Variants in HELQ observed in about 807,000 individuals in gnomAD.
HELQ encodes the protein helicase, POLQ like, also known as helicase POLQ-like.
Under a neutral mutation model 111.6 loss-of-function variants are expected in HELQ, and 77 were observed. That is an observed-to-expected ratio of 0.69 (90% CI 0.57 to 0.83). The LOEUF is 0.83. Among genes scored for constraint, HELQ ranks in the 40% least tolerant of loss-of-function variants. The pLI, the probability that HELQ is intolerant of heterozygous loss-of-function variation, is 0.00. For missense variants in HELQ, 1,200 were observed against 1,288.5 expected, an observed-to-expected ratio of 0.93 and a Z score of 1.05; for synonymous variants, 438 against 454.7, an observed-to-expected ratio of 0.96 and a Z score of 0.47.
chr4:83,448,156 GCAGAGATTGTGC>G (rs1482980352), intron 3 of HELQ, among the ~76,000 whole-genome samples: 1 of 152,118 alleles, frequency 6.6e-6, no homozygotes. Context: ...GTTGCAGTGA[GCAGAGATTGTGC>G]CACTGCACTC....
intron 7 of HELQ, 46 bp downstream of exon 7, chr4:83,441,259 A>C (rs1316525743): frequency 2.3e-5 from 24 of 1,055,046 alleles, no homozygotes; most frequent in Non-Finnish European, 3.3e-5. Flanking sequence ...GTTGTGCCCC[A>C]GACACAAAGT....
At chr4:83,432,408 A>G in intron 9 of HELQ, 141 bp from the exon 10 acceptor site, 1 of 496,680 alleles carries the variant, frequency 2.0e-6, no homozygotes, top group Non-Finnish European at 3.2e-6. Flanking sequence ...CCAAGAATCT[A>G]TGATTTCTTA....
At chr4:83,431,276 A>T (rs1007340375) in intron 11 of HELQ, among the ~76,000 whole-genome samples, 2 of 152,116 alleles carry the variant, frequency 1.3e-5, no homozygotes, top group Non-Finnish European at 1.5e-5. Context: ...CAATTTCATT[A>T]ATTCAAGTAT....
rs1721075768 is a variant in HELQ, at chr4:83,446,861, T to C, written c.1366A>G (p.Ser456Gly). ...TCGTCTACAACAACCAGACCCAGAC[T>C]GTCAATTCTTCCAGTTTCAATCAAG... is the stretch of plus-strand genomic sequence containing the variant. ...NSLIETGRID[S>G]LGLVVVDELH... Residue 456 changes from serine to glycine, a missense_variant, in exon 4 of 18, where the codon AGT (serine) becomes GGT (glycine). By Grantham distance (56) the Ser-to-Gly change is moderately conservative. Around this residue, in one of 3 missense-constraint regions of HELQ, gnomAD observed 610 missense variants for 607.1 expected, o/e 1.00. Coordinates refer to ENST00000295488, the MANE Select transcript of HELQ (RefSeq NM_133636.5). 1.2e-6 allele frequency: 2 copies of C among 1,613,228 alleles called. No individual in the cohort carries two copies. The highest frequency in any genetic ancestry group is 2.7e-5 in the African/African-American group (2 of 74,920).
chr4:83,445,619 T>C (rs1316880265), intron 5 of HELQ, among the ~76,000 whole-genome samples: 10 of 152,138 alleles, frequency 6.6e-5, no homozygotes, highest in Non-Finnish European at 5.9e-5. Context: ...ATTATGGTGA[T>C]GATGATGATG....
rs1720495835 is a variant in HELQ, at chr4:83,437,028, G to A, written c.1878C>T (p.Gly626=). The A allele has an allele frequency of 6.2e-7, 1 of 1,613,920 alleles. No homozygotes were observed. The highest frequency in any genetic ancestry group is 2.2e-5 in the East Asian group (1 of 44,884). ...VIKNLKNIGN[G]NLCPVLKRTI... ...TGCGCTTTAAAACAGGACACAGGTTGCCATTGCCAATATTCTTCAAGTTCT... is the reference window on the plus strand; with the variant it reads ...TGCGCTTTAAAACAGGACACAGGTTACCATTGCCAATATTCTTCAAGTTCT... The change falls in exon 9 of 18, where the codon GGC becomes GGT. Residue 626 remains glycine, a synonymous_variant. Coordinates refer to ENST00000295488, the MANE Select transcript of HELQ (RefSeq NM_133636.5).
At chr4:83,455,266 T>C (rs1578113074) in intron 1 of HELQ, 131 bp downstream of exon 1, 1 of 1,504,966 alleles carries the variant, frequency 6.6e-7, no homozygotes, top group East Asian at 2.3e-5. Flanking sequence ...AGGCAATCAA[T>C]ACCTCCTAAG....
intron 6 of HELQ, among the ~76,000 whole-genome samples, chr4:83,441,654 C>T (rs1438806663): frequency 2.0e-5 from 3 of 151,832 alleles, no homozygotes; most frequent in African/African-American, 4.8e-5. Flanking sequence ...CAGTAAACAT[C>T]ATATCCAAAA....
chr4:83,435,295 C>G (rs1390946116), intron 9 of HELQ, among the ~76,000 whole-genome samples: 1 of 151,858 alleles, frequency 6.6e-6, no homozygotes, highest in African/African-American at 2.4e-5. Context: ...TATTATACAC[C>G]ATGACAAAAT....
intron 17 of HELQ, among the ~76,000 whole-genome samples, chr4:83,409,703 T>C (rs767144497): frequency 1.3e-5 from 2 of 152,002 alleles, no homozygotes; most frequent in Non-Finnish European, 2.9e-5. Context: ...TCTGGAGATA[T>C]GAGGAGGAGT....
intron 3 of HELQ, 112 bp from the exon 4 acceptor site, chr4:83,447,147 A>T: frequency 1.4e-6 from 1 of 705,776 alleles, no homozygotes; most frequent in Non-Finnish European, 2.4e-6. Context: ...CAGGAAGGTG[A>T]GACCAGCCTG....
chr4:83,427,741 T>C (rs1719921793), intron 12 of HELQ, 21 bp from the exon 13 acceptor site: 3 of 1,451,084 alleles, frequency 2.1e-6, no homozygotes, highest in Non-Finnish European at 2.8e-6. Context: ...GATACAAATA[T>C]TCAATCTTTC....
intron 13 of HELQ, among the ~76,000 whole-genome samples, chr4:83,427,043 G>A (rs142125292): frequency 0.012 from 1,781 of 152,224 alleles, 28 homozygotes; most frequent in African/African-American, 0.041. Flanking sequence ...GGCTCTGACC[G>A]AGCTTTCATG....
intron 17 of HELQ, among the ~76,000 whole-genome samples, chr4:83,411,979 T>A (rs956314439): frequency 6.6e-6 from 1 of 152,090 alleles, no homozygotes; most frequent in Admixed American, 6.6e-5. Context: ...GAACTACATA[T>A]AGGAAGCACA....
chr4:83,429,538 C>A lies in HELQ; in HGVS notation c.2504G>T (p.Arg835Leu), dbSNP rs759691915. The change falls in exon 12 of 18, where the codon CGT becomes CTT. Residue 835 changes from arginine (R) to leucine (L), a missense_variant. By Grantham distance (102) the Arg-to-Leu change is moderately radical. Around this residue, in one of 3 missense-constraint regions of HELQ, gnomAD observed 585 missense variants for 665.3 expected, o/e 0.88. Coordinates refer to ENST00000295488, the MANE Select transcript of HELQ (RefSeq NM_133636.5). ...QYNFHITKLGRASFKGTIDLA... is the reference protein window; with the variant it reads ...QYNFHITKLGLASFKGTIDLA... ...TAAACTCTTACCCTTAAATGAAGCA[C>A]GTCCCAACTTTGTAATATGAAAATT... The A allele has an allele frequency of 6.2e-7, 1 of 1,600,442 alleles. No homozygotes were observed. The highest frequency in any genetic ancestry group is 8.5e-7 in the Non-Finnish European group (1 of 1,170,030).
At position 83,446,862 on chromosome 4, in the gene HELQ, G is replaced by A. The variant is rs1171241225; in HGVS notation, c.1365C>T (p.Asp455=). 3 of 1,613,032 alleles carry A rather than the reference G, an allele frequency of 1.9e-6. No homozygotes were observed. The highest frequency in any genetic ancestry group is 4.5e-5 in the East Asian group (2 of 44,876). ...CGTCTACAACAACCAGACCCAGACT[G>A]TCAATTCTTCCAGTTTCAATCAAGG... ...VNSLIETGRI[D]SLGLVVVDEL... The change falls in exon 4 of 18, where the codon GAC becomes GAT. Residue 455 remains aspartate, a synonymous_variant. Transcript: ENST00000295488.
chr4:83,416,678 G>C, intron 17 of HELQ, 53 bp downstream of exon 17: 1 of 1,566,024 alleles, frequency 6.4e-7, no homozygotes, highest in South Asian at 1.2e-5. Context: ...TATAATACAA[G>C]GAAATAACAC....
At chr4:83,452,991 TATGTC>T (rs1721479635) in intron 2 of HELQ, among the ~76,000 whole-genome samples, 1 of 152,236 alleles carries the variant, frequency 6.6e-6, no homozygotes, top group Non-Finnish European at 1.5e-5. Context: ...TTAGAGGAAT[TATGTC>T]AGGTAAGGAA....
intron 17 of HELQ, among the ~76,000 whole-genome samples, chr4:83,411,749 C>G (rs1739114690): frequency 6.6e-6 from 1 of 151,844 alleles, no homozygotes; most frequent in Non-Finnish European, 1.5e-5. Flanking sequence ...CTCAAATGAT[C>G]CTCCCATTGC....
Sources: allele counts gnomAD v4.1 joint callset (sites outside exome capture counted in the v4.1 genomes callset), GRCh38; gene constraint gnomAD v4.1.1; regional missense constraint gnomAD v4.1.1; transcripts MANE v1.5; gene names NCBI Gene and HGNC (gene_info 2026-07-23, HGNC 2026-07-21).